The following AXDND1 variants were observed in gnomAD, a reference collection of about 807,000 sequenced individuals.
AXDND1 encodes axonemal dynein light chain domain-containing protein 1.
AXDND1 carries 110 observed loss-of-function variants against 137.5 expected under a neutral mutation model. That is an observed-to-expected ratio of 0.80 (90% CI 0.69 to 0.94). The LOEUF is 0.94. AXDND1 is among the 40% of genes least tolerant of loss of function. The probability of loss-of-function intolerance (pLI) is 0.00; values close to 1 mark genes in which losing one functional copy is unlikely to be tolerated. For synonymous variants in AXDND1, 414 were observed against 399.7 expected (o/e 1.04, Z -0.43); for missense variants, 1,191 against 1,169.8 (o/e 1.02, Z -0.26).
chr1:179,477,464 CAAGAG>C (rs1664780152), intron 17 of AXDND1, among the ~76,000 whole-genome samples: 1 of 152,064 alleles, frequency 6.6e-6, no homozygotes, highest in Non-Finnish European at 1.5e-5. Context: ...TGGCAGCAGA[CAAGAG>C]AAGAGAATGA....
intron 18 of AXDND1, among the ~76,000 whole-genome samples, chr1:179,487,575 G>C (rs1666223269): frequency 6.7e-6 from 1 of 148,664 alleles, no homozygotes. Context: ...TTGAAGGTCT[G>C]CTTCTAAATT....
intron 17 of AXDND1, among the ~76,000 whole-genome samples, chr1:179,482,769 A>G (rs553686927): frequency 5.0e-4 from 76 of 152,000 alleles, no homozygotes; most frequent in African/African-American, 1.8e-3. Flanking sequence ...TCCTCACACT[A>G]TCATGCTGGA....
intron 4 of AXDND1, among the ~76,000 whole-genome samples, chr1:179,373,427 A>G (rs1301403858): frequency 6.6e-6 from 1 of 152,226 alleles, no homozygotes; most frequent in Non-Finnish European, 1.5e-5. Flanking sequence ...ATTCAATGCT[A>G]TCCCCACCAA....
intron 17 of AXDND1, among the ~76,000 whole-genome samples, chr1:179,470,024 T>C (rs181080811): frequency 6.6e-6 from 1 of 152,296 alleles, no homozygotes; most frequent in East Asian, 1.9e-4. Context: ...AAGGGTCCAA[T>C]TTCATTCTTT....
chr1:179,536,575 C>G (rs1671578819), intron 25 of AXDND1, among the ~76,000 whole-genome samples: 1 of 152,138 alleles, frequency 6.6e-6, no homozygotes, highest in Non-Finnish European at 1.5e-5. Flanking sequence ...GTCTATATAT[C>G]TGTTTTGGTA....
At chr1:179,465,861 T>C (rs570879916) in intron 16 of AXDND1, among the ~76,000 whole-genome samples, 1 of 152,312 alleles carries the variant, frequency 6.6e-6, no homozygotes, top group African/African-American at 2.4e-5. Flanking sequence ...CCTTGCAGTT[T>C]GATCTCAGAC....
At chr1:179,512,294 T>C (rs1204228846) in intron 21 of AXDND1, among the ~76,000 whole-genome samples, 1 of 152,230 alleles carries the variant, frequency 6.6e-6, no homozygotes, top group African/African-American at 2.4e-5. Flanking sequence ...TAGCCAATTA[T>C]CCCAGCACCA....
At chr1:179,481,774 A>G (rs1245041607) in intron 17 of AXDND1, among the ~76,000 whole-genome samples, 1 of 152,148 alleles carries the variant, frequency 6.6e-6, no homozygotes, top group Non-Finnish European at 1.5e-5. Context: ...TTGGCTGCAT[A>G]AATTATCTAT....
chr1:179,430,591 G>T lies in AXDND1; in HGVS notation c.1472G>T (p.Trp491Leu). 1 of 1,609,752 alleles carries T rather than the reference G, an allele frequency of 6.2e-7. No individual in the cohort carries two copies. The highest frequency in any genetic ancestry group is 8.5e-7 in the Non-Finnish European group (1 of 1,178,822). ...LKIVKDGLIKWQEFFNEKDIL... is the reference protein window; with the variant it reads ...LKIVKDGLIKLQEFFNEKDIL... Reference sequence around the variant, plus strand: ...ATTGTTAAGGATGGGCTTATCAAATGGCAGGAGTTCTTCAAGTGAGTCACC... The same window carrying T: ...ATTGTTAAGGATGGGCTTATCAAATTGCAGGAGTTCTTCAAGTGAGTCACC... Residue 491 changes from tryptophan (W) to leucine (L), a missense_variant, in exon 14 of 26, where the codon TGG (tryptophan) becomes TTG (leucine). Coordinates refer to ENST00000367618, the MANE Select transcript of AXDND1 (RefSeq NM_144696.6).
At chr1:179,416,492 A>T (rs988353278) in intron 12 of AXDND1, among the ~76,000 whole-genome samples, 1 of 152,212 alleles carries the variant, frequency 6.6e-6, no homozygotes, top group Admixed American at 6.5e-5. Context: ...AGGAACCTCC[A>T]TAATGTTCTC....
intron 4 of AXDND1, among the ~76,000 whole-genome samples, chr1:179,373,255 A>G (rs1668220100): frequency 6.6e-6 from 1 of 152,210 alleles, no homozygotes; most frequent in Non-Finnish European, 1.5e-5. Flanking sequence ...AATACCTAGG[A>G]ATCCAACTTA....
intron 21 of AXDND1, among the ~76,000 whole-genome samples, chr1:179,524,148 A>G (rs1321005732): frequency 1.3e-5 from 2 of 152,172 alleles, no homozygotes; most frequent in Non-Finnish European, 2.9e-5. Context: ...GCTGCTATAA[A>G]CATGCATGTA....
In AXDND1 at chr1:179,533,828, A is replaced by T. The variant is rs771166760; in HGVS notation, c.2749A>T (p.Lys917Ter). ...ESAKQGTLAQ[K>*]YLEAMAVIEH... The stretch of plus-strand genomic sequence containing the variant: ...AGCTAAGCAAGGTACATTGGCCCAA[A>T]AATATCTTGAAGCAATGGCTGTAAT... Residue 917 changes from lysine to a stop codon, truncating the protein, a stop_gained, in exon 24 of 26, where the codon AAA becomes TAA. Transcript: ENST00000367618. LOFTEE classifies it high-confidence loss of function. 6.2e-7 allele frequency: 1 copy of T among 1,613,326 alleles called. No individual in the cohort carries two copies. The highest frequency in any genetic ancestry group is 2.2e-5 in the East Asian group (1 of 44,834).
chr1:179,468,027 C>T (rs1281400698), intron 16 of AXDND1, among the ~76,000 whole-genome samples: 4 of 152,126 alleles, frequency 2.6e-5, no homozygotes, highest in African/African-American at 9.7e-5. Flanking sequence ...GACTCAAGAA[C>T]TATGATAATC....
At chr1:179,504,265 A>G (rs1362262932) in intron 20 of AXDND1, among the ~76,000 whole-genome samples, 1 of 152,190 alleles carries the variant, frequency 6.6e-6, no homozygotes, top group Non-Finnish European at 1.5e-5. Flanking sequence ...TGGAACCCAC[A>G]CTATACATCT....
chr1:179,548,838 A>G (rs923818256), intron 25 of AXDND1: 1 of 152,238 alleles, frequency 6.6e-6, no homozygotes, highest in Non-Finnish European at 1.5e-5. Context: ...TTTCTAAGGA[A>G]GGCCTTCAAA....
chr1:179,492,933 T>C lies in AXDND1; in HGVS notation c.2370T>C (p.Tyr790=). Residue 790 remains tyrosine (Y), a synonymous_variant, in exon 20 of 26, where the codon TAT becomes TAC. Coordinates refer to ENST00000367618, the MANE Select transcript of AXDND1 (RefSeq NM_144696.6). ...ACAAAAATGCTACTGAAGACCTTTA[T>C]GAGGTGGATAAGTTGAAGGTAATAA... ...NSHKNATEDL[Y]EVDKLKKECY... 1.2e-6 allele frequency: 2 copies of C among 1,606,388 alleles called. No homozygotes were observed. The highest frequency in any genetic ancestry group is 1.7e-6 in the Non-Finnish European group (2 of 1,175,786).
rs540113236 is a variant in AXDND1, at chr1:179,408,445, C to T, written c.1110-2701C>T. On this transcript the variant is annotated intron_variant, in intron 11 of 25. Transcript: ENST00000367618. ...AGGCTGGAGTGTACTGGTGTGATTT[C>T]GGCTCACTTCAACCACTGCCTTCTG... Among the ~76,000 whole-genome samples, 436 of 150,302 alleles carry T rather than the reference C, an allele frequency of 2.9e-3. 3 individuals are homozygous for T. Among genetic ancestry groups the T allele is most frequent in the African/African-American group, 0.01 (419 of 40,788 alleles).
At chr1:179,487,321 T>C (rs1666189549) in intron 18 of AXDND1, among the ~76,000 whole-genome samples, 1 of 148,576 alleles carries the variant, frequency 6.7e-6, no homozygotes, top group South Asian at 2.1e-4. Context: ...TTTTATTATG[T>C]ACCTCCATTA....
Sources: allele counts gnomAD v4.1 joint callset (sites outside exome capture counted in the v4.1 genomes callset), GRCh38; gene constraint gnomAD v4.1.1; transcripts MANE v1.5; gene names NCBI Gene and HGNC (gene_info 2026-07-23, HGNC 2026-07-21).